The following BRI3BP variants were observed in gnomAD, a reference collection of about 807,000 sequenced individuals.
BRI3BP encodes the protein BRI3 binding protein, also known as BRI3-binding protein.
BRI3BP carries 7 observed loss-of-function variants against 15.8 expected under a neutral mutation model. The ratio of observed to expected loss-of-function variants is 0.44; its 90% CI spans 0.25 to 0.83. The LOEUF (loss-of-function observed/expected upper bound fraction) is 0.83, where lower values mean the gene tolerates loss of function less well. BRI3BP is among the 40% of genes least tolerant of loss of function. The pLI is 0.20. For missense variants in BRI3BP, 320 were observed against 339.3 expected (o/e 0.94, Z 0.45); for synonymous variants, 192 against 163.5 (o/e 1.17, Z -1.33).
In BRI3BP at chr12:125,007,060, A is replaced by G. The variant is rs374800320; in HGVS notation, c.214-5474A>G. Among the ~76,000 whole-genome samples, 30 of 152,044 alleles carry G rather than the reference A, an allele frequency of 2.0e-4. No homozygotes were observed. The East Asian group carries it at 5.2e-3, about 27-fold the overall frequency. The stretch of plus-strand genomic sequence containing the variant: ...CTAAAAATATAAAAATTAGCCAGGT[A>G]TGGTGGCACATGCCTGTAATCCCAG... On this transcript the variant is annotated intron_variant, in intron 1 of 2. Coordinates refer to ENST00000341446, the MANE Select transcript of BRI3BP (RefSeq NM_080626.6).
chr12:125,002,069 CT>C (rs1359218617), intron 1 of BRI3BP, among the ~76,000 whole-genome samples: 1 of 152,156 alleles, frequency 6.6e-6, no homozygotes, highest in Non-Finnish European at 1.5e-5. Context: ...AGGATCAATA[CT>C]TTATTCCTCT....
At position 125,015,874 on chromosome 12, in the gene BRI3BP, G is replaced by T. The variant is rs143958387; in HGVS notation, c.316+3238G>T. 6.6e-3 allele frequency among the ~76,000 whole-genome samples: 1,006 copies of T among 152,264 alleles called. 34 individuals are homozygous for T. Among genetic ancestry groups the T allele is most frequent in the Admixed American group, 0.059 (901 of 15,284 alleles). The stretch of plus-strand genomic sequence containing the variant: ...CCTCCAGGGACTTGGCAGAGTTAAC[G>T]CACCCTCCCCCAGATGCAGCCACCG... On this transcript the variant is annotated intron_variant, in intron 2 of 2. Transcript: ENST00000341446.
At chr12:125,019,334 G>A (rs1955273386) in intron 2 of BRI3BP, among the ~76,000 whole-genome samples, 1 of 152,046 alleles carries the variant, frequency 6.6e-6, no homozygotes, top group African/African-American at 2.4e-5. Context: ...TGAAGTCACC[G>A]AGAGGTGGAA....
intron 1 of BRI3BP, among the ~76,000 whole-genome samples, chr12:125,003,236 G>A (rs1295096963): frequency 2.0e-5 from 3 of 152,156 alleles, no homozygotes; most frequent in Admixed American, 6.5e-5. Context: ...ATGCAGGAAG[G>A]CCATTGTCAC....
rs1955400954 is a variant in BRI3BP, at chr12:125,030,853, G to A, written c.*5423G>A. ...GGTATGGTATCCATTATCAACAGTG[G>A]ATTCATGATTGACTTCATATTTTGT... On this transcript the variant is annotated 3_prime_UTR_variant, in exon 3 of 3. Transcript: ENST00000341446. The A allele has an allele frequency of 6.6e-6, 1 of 152,108 alleles. No individual in the cohort carries two copies. 9.4% of individuals were successfully genotyped at this position (152,108 alleles called of 1,614,324 possible).
rs559153122 is a variant in BRI3BP at position 125,029,558 on chromosome 12, G to GTATATA, written c.*4132_*4137dup. 10 of 140,554 alleles carry GTATATA rather than the reference G, an allele frequency of 7.1e-5. No individual in the cohort carries two copies. The highest frequency in any genetic ancestry group is 2.2e-4 in the South Asian group (1 of 4,586). 8.7% of individuals were successfully genotyped at this position (140,554 alleles called of 1,614,324 possible). A position where few individuals can be genotyped will look rare whatever the true frequency, so the allele number is the denominator to read the frequency against. ...AAAAAAAAAAAAAGTGTGTGTGTGT[G>GTATATA]TATATATATGTATATATATATACAC... On this transcript the variant is annotated 3_prime_UTR_variant, in exon 3 of 3. Transcript: ENST00000341446.
At chr12:125,021,223 G>A (rs753429924) in intron 2 of BRI3BP, among the ~76,000 whole-genome samples, 4 of 152,186 alleles carry the variant, frequency 2.6e-5, no homozygotes, top group Non-Finnish European at 5.9e-5. Flanking sequence ...TCCCAGAGAT[G>A]GCTGCTGTTT....
chr12:125,051,142 G>T, the BRI3BP span, among the ~76,000 whole-genome samples: 2 of 152,198 alleles, frequency 1.3e-5, no homozygotes, highest in East Asian at 3.9e-4. Context: ...GTCTCTTTAG[G>T]ATTAAATGAG....
At chr12:125,047,401 C>T in the BRI3BP span, among the ~76,000 whole-genome samples, 1 of 152,180 alleles carries the variant, frequency 6.6e-6, no homozygotes, top group African/African-American at 2.4e-5. Context: ...TCTCGATCTC[C>T]TGACTTTGTG....
the BRI3BP span, among the ~76,000 whole-genome samples, chr12:125,040,459 C>T: frequency 8.6e-5 from 13 of 151,564 alleles, no homozygotes; most frequent in Admixed American, 2.6e-4. Context: ...ATTCTCCTGC[C>T]TCAGCCTCCT....
At chr12:124,994,737 G>A (rs1440792701) in intron 1 of BRI3BP, among the ~76,000 whole-genome samples, 1 of 152,208 alleles carries the variant, frequency 6.6e-6, no homozygotes, top group East Asian at 1.9e-4. Context: ...CCGCCGACTA[G>A]CTCTTGAGAA....
At chr12:124,995,552 A>G (rs1955033713) in intron 1 of BRI3BP, among the ~76,000 whole-genome samples, 2 of 152,218 alleles carry the variant, frequency 1.3e-5, no homozygotes, top group Non-Finnish European at 2.9e-5. Context: ...GACAATCTGT[A>G]TTCTGGCAGA....
At chr12:124,995,939 G>C (rs1310505026) in intron 1 of BRI3BP, among the ~76,000 whole-genome samples, 1 of 152,100 alleles carries the variant, frequency 6.6e-6, no homozygotes, top group African/African-American at 2.4e-5. Flanking sequence ...TTGAGACGGA[G>C]GTCTGGCTCT....
Position 125,025,050 on chromosome 12 carries a change from C to T in BRI3BP, c.376C>T (p.Leu126Phe). ...ASVSSSPARALLLVGVVLLAY... is the reference protein window; with the variant it reads ...ASVSSSPARAFLLVGVVLLAY... ...GGTGTCCAGCAGCCCGGCCCGCGCG[C>T]TCCTGCTGGTCGGCGTCGTCCTCCT... The change falls in exon 3 of 3, where the codon CTC (leucine) becomes TTC (phenylalanine). Residue 126 changes from leucine (L) to phenylalanine (F), a missense_variant. Physicochemically the swap from Leu to Phe is conservative, Grantham distance 22. Coordinates refer to ENST00000341446, the MANE Select transcript of BRI3BP (RefSeq NM_080626.6). 1 of 1,613,558 alleles carries T rather than the reference C, an allele frequency of 6.2e-7. No homozygotes were observed. The highest frequency in any genetic ancestry group is 1.1e-5 in the South Asian group (1 of 91,080).
chr12:125,038,376 G>A, the BRI3BP span, among the ~76,000 whole-genome samples: 6 of 152,212 alleles, frequency 3.9e-5, no homozygotes, highest in South Asian at 1.0e-3. Flanking sequence ...TAAAGCATCC[G>A]ATGTTTGACA....
At chr12:125,050,558 T>C in the BRI3BP span, among the ~76,000 whole-genome samples, 1 of 152,252 alleles carries the variant, frequency 6.6e-6, no homozygotes, top group African/African-American at 2.4e-5. Flanking sequence ...TTCAGTCTTT[T>C]TGGAAATGTT....
chr12:125,039,481 T>A, the BRI3BP span, among the ~76,000 whole-genome samples: 1 of 152,148 alleles, frequency 6.6e-6, no homozygotes, highest in South Asian at 2.1e-4. Context: ...CAGGCAGGGT[T>A]AAACTATTCT....
At chr12:124,994,465 C>T (rs1227077698) in intron 1 of BRI3BP, among the ~76,000 whole-genome samples, 1 of 152,154 alleles carries the variant, frequency 6.6e-6, no homozygotes, top group Non-Finnish European at 1.5e-5. Context: ...CCCCACTCCT[C>T]CTCCTGCTTT....
At chr12:125,045,032 T>C in the BRI3BP span, among the ~76,000 whole-genome samples, 4 of 152,212 alleles carry the variant, frequency 2.6e-5, no homozygotes, top group Admixed American at 6.5e-5. Flanking sequence ...ACTGGTGAAT[T>C]AAAATTTTTT....
Sources: gnomAD v4.1 joint callset for allele counts (sites outside exome capture counted in the v4.1 genomes callset) on GRCh38, gnomAD v4.1.1 for gene constraint, MANE v1.5 for transcripts, NCBI Gene and HGNC (gene_info 2026-07-23, HGNC 2026-07-21) for gene names.